The following ANK3 variants were observed in gnomAD, a reference collection of about 807,000 sequenced individuals.
The protein encoded by ANK3 is ankyrin-3.
ANK3 carries 57 observed loss-of-function variants against 370.9 expected under a neutral mutation model. The ratio of observed to expected loss-of-function variants is 0.15; its 90% CI spans 0.12 to 0.19. The LOEUF (loss-of-function observed/expected upper bound fraction) is 0.19, where lower values mean the gene tolerates loss of function less well. ANK3 is among the 10% of genes least tolerant of loss of function. The pLI is 1.00. For synonymous variants in ANK3, 1,929 were observed against 1,946.3 expected (o/e 0.99, Z 0.23); for missense variants, 4,439 against 5,302.1 (o/e 0.84, Z 5.06).
intron 5 of ANK3, among the ~76,000 whole-genome samples, chr10:60,267,352 A>G (rs2132661089): frequency 6.6e-6 from 1 of 152,330 alleles, no homozygotes; most frequent in East Asian, 1.9e-4. Context: ...ATCCAAAAGA[A>G]GAGAAAAAAT....
intron 23 of ANK3, among the ~76,000 whole-genome samples, chr10:60,159,677 T>C (rs1347336157): frequency 1.3e-5 from 2 of 151,814 alleles, no homozygotes; most frequent in Admixed American, 1.3e-4. Context: ...ACAAAACAAG[T>C]CTCAAAAAAT....
At chr10:60,386,543 T>C (rs1215868453) in intron 1 of ANK3, among the ~76,000 whole-genome samples, 1 of 152,140 alleles carries the variant, frequency 6.6e-6, no homozygotes, top group African/African-American at 2.4e-5. Flanking sequence ...TACTGCTTTT[T>C]TTTTTTTGGA....
intron 25 of ANK3, among the ~76,000 whole-genome samples, chr10:60,127,879 A>T (rs1177143941): frequency 6.6e-6 from 1 of 151,778 alleles, no homozygotes; most frequent in Non-Finnish European, 1.5e-5. Flanking sequence ...TTGTAGTTTT[A>T]GTACAGACGG....
chr10:60,317,710 A>ATT (rs11365078), intron 1 of ANK3, among the ~76,000 whole-genome samples: 175 of 109,338 alleles, frequency 1.6e-3, no homozygotes, highest in Middle Eastern at 5.1e-3. Context: ...TCATGAGATA[A>ATT]TTTTTTTTTT....
At chr10:60,584,817 C>T (rs1389331397) in intron 2 of ANK3, among the ~76,000 whole-genome samples, 1 of 152,114 alleles carries the variant, frequency 6.6e-6, no homozygotes, top group Non-Finnish European at 1.5e-5. Context: ...CTTAGACATT[C>T]CCAATCCAGT....
At chr10:60,315,198 G>A (rs540735611) in intron 1 of ANK3, among the ~76,000 whole-genome samples, 11 of 152,322 alleles carry the variant, frequency 7.2e-5, no homozygotes, top group African/African-American at 2.6e-4. Flanking sequence ...GAGGGTGTAA[G>A]TGCATAAATA....
At chr10:60,546,341 A>T (rs776845110) in intron 2 of ANK3, among the ~76,000 whole-genome samples, 2 of 152,180 alleles carry the variant, frequency 1.3e-5, no homozygotes, top group Non-Finnish European at 2.9e-5. Context: ...AAGTCTGGAT[A>T]GTCTTTTTAT....
intron 2 of ANK3, among the ~76,000 whole-genome samples, chr10:60,407,503 C>T (rs1335404520): frequency 6.6e-6 from 1 of 152,162 alleles, no homozygotes; most frequent in African/African-American, 2.4e-5. Context: ...TCTTTAATGG[C>T]TTACCAAAAT....
At chr10:60,477,774 G>A (rs1329179237) in intron 2 of ANK3, among the ~76,000 whole-genome samples, 2 of 151,914 alleles carry the variant, frequency 1.3e-5, no homozygotes, top group African/African-American at 4.8e-5. Flanking sequence ...AGCAAAAAAG[G>A]ATAATAGAGT....
intron 43 of ANK3, among the ~76,000 whole-genome samples, chr10:60,040,900 T>C (rs1365056543): frequency 6.6e-6 from 1 of 152,212 alleles, no homozygotes; most frequent in Non-Finnish European, 1.5e-5. Context: ...ATTGCATAAA[T>C]AGACGAATTC....
intron 37 of ANK3, among the ~76,000 whole-genome samples, chr10:60,068,373 T>C (rs2082040509): frequency 6.6e-6 from 1 of 152,204 alleles, no homozygotes. Flanking sequence ...AAAAGAAGGT[T>C]GTTCATCTTG....
intron 21 of ANK3, 92 bp from the exon 22 acceptor site, chr10:60,166,988 G>A (rs2095641568): frequency 9.6e-7 from 1 of 1,045,420 alleles, no homozygotes; most frequent in Non-Finnish European, 1.5e-6. Flanking sequence ...GTTTCTTGTG[G>A]AATGTATGTG....
At chr10:60,651,152 T>TAC (rs112226289) in intron 1 of ANK3, among the ~76,000 whole-genome samples, 11 of 152,252 alleles carry the variant, frequency 7.2e-5, no homozygotes, top group Non-Finnish European at 1.0e-4. Flanking sequence ...TATGAATGTG[T>TAC]ACACACACGC....
At chr10:60,656,454 C>T (rs1308750556) in intron 1 of ANK3, among the ~76,000 whole-genome samples, 1 of 151,560 alleles carries the variant, frequency 6.6e-6, no homozygotes, top group African/African-American at 2.4e-5. Context: ...AAAAAAAATC[C>T]ACTTTTGGTT....
chr10:60,114,446 T>G (rs1261425631), intron 25 of ANK3, 115 bp from the exon 26 acceptor site: 1 of 464,486 alleles, frequency 2.2e-6, no homozygotes, highest in Non-Finnish European at 3.7e-6. Context: ...ACATTCAACA[T>G]AAATAATTTT....
intron 2 of ANK3, among the ~76,000 whole-genome samples, chr10:60,449,378 TTCTCAATTC>T (rs1272558348): frequency 3.3e-5 from 5 of 152,240 alleles, no homozygotes; most frequent in Non-Finnish European, 7.3e-5. Context: ...TGTTTTGCAC[TTCTCAATTC>T]AGGCTAGCCT....
chr10:60,296,545 C>G (rs2042555188), intron 1 of ANK3, among the ~76,000 whole-genome samples: 1 of 152,158 alleles, frequency 6.6e-6, no homozygotes, highest in African/African-American at 2.4e-5. Flanking sequence ...TTAGGACTAA[C>G]TGGTAACTAG....
At chr10:60,486,582 C>CACA (rs1289734767) in intron 2 of ANK3, among the ~76,000 whole-genome samples, 2 of 152,084 alleles carry the variant, frequency 1.3e-5, no homozygotes, top group Non-Finnish European at 2.9e-5. Context: ...TGTGTCTCAA[C>CACA]ACAACAACAA....
chr10:60,481,557 G>T (rs1052290327), intron 2 of ANK3, among the ~76,000 whole-genome samples: 23 of 152,104 alleles, frequency 1.5e-4, no homozygotes, highest in South Asian at 4.1e-4. Flanking sequence ...CCACCTCCCG[G>T]GTTCAAGCAA....
Sources: gnomAD v4.1 joint callset for allele counts (sites outside exome capture counted in the v4.1 genomes callset) on GRCh38, gnomAD v4.1.1 for gene constraint, MANE v1.5 for transcripts, NCBI Gene and HGNC (gene_info 2026-07-23, HGNC 2026-07-21) for gene names.